The following SRPX variants were observed in gnomAD, a reference collection of about 807,000 sequenced individuals.
SRPX encodes sushi repeat containing protein X-linked.
Under a neutral mutation model 38.1 loss-of-function variants are expected in SRPX, and 24 were observed. That is an observed-to-expected ratio of 0.63 (90% CI 0.46 to 0.89). The LOEUF (loss-of-function observed/expected upper bound fraction) is 0.89. Among genes scored for constraint, SRPX ranks in the 40% least tolerant of loss-of-function variants. SRPX has a pLI of 0.00. For synonymous variants in SRPX, 184 were observed against 153.8 expected (o/e 1.20, Z -1.45); for missense variants, 416 against 377.8 (o/e 1.10, Z -0.84).
At chrX:38,155,153 TA>T (rs1190027426) in intron 8 of SRPX, among the ~76,000 whole-genome samples, 2 of 110,081 alleles carry the variant, frequency 1.8e-5, no homozygotes, top group Non-Finnish European at 3.8e-5. Context: ...GTAAGACAAA[TA>T]TGATGAATTT....
chrX:38,197,454 C>T (rs1569212963), intron 1 of SRPX, among the ~76,000 whole-genome samples: 1 of 111,036 alleles, frequency 9.0e-6, no homozygotes, highest in Non-Finnish European at 1.9e-5. Flanking sequence ...TTTTTTTGGA[C>T]ATGTTATAAT....
At chrX:38,157,785 T>C (rs1938160865) in intron 7 of SRPX, among the ~76,000 whole-genome samples, 1 of 112,031 alleles carries the variant, frequency 8.9e-6, no homozygotes, top group East Asian at 2.8e-4. Context: ...GTTTTTGCTG[T>C]GGGCATTTGG....
intron 1 of SRPX, among the ~76,000 whole-genome samples, chrX:38,208,322 C>T (rs1198587835): frequency 9.0e-6 from 1 of 111,555 alleles, no homozygotes; most frequent in African/African-American, 3.3e-5. Flanking sequence ...GTGGCCCCTC[C>T]CAGTGGCTAC....
intron 1 of SRPX, among the ~76,000 whole-genome samples, chrX:38,183,832 G>A (rs1938716980): frequency 8.9e-6 from 1 of 111,879 alleles, no homozygotes; most frequent in Non-Finnish European, 1.9e-5. Flanking sequence ...CGTTGGCTCA[G>A]AAATCAGAAA....
At chrX:38,206,942 T>G (rs1003702237) in intron 1 of SRPX, among the ~76,000 whole-genome samples, 3 of 112,103 alleles carry the variant, frequency 2.7e-5, no homozygotes, top group African/African-American at 9.7e-5. Context: ...CTGCCAGACA[T>G]GAGCTCTCAG....
intron 1 of SRPX, among the ~76,000 whole-genome samples, chrX:38,212,043 C>T (rs1267837465): frequency 6.3e-5 from 7 of 111,926 alleles, no homozygotes; most frequent in Non-Finnish European, 9.4e-5. Context: ...GTGGCAGGAG[C>T]GGCCCTGATC....
At position 38,160,225 on chromosome X, in the gene SRPX, C is replaced by G. The variant is rs755173991; in HGVS notation, c.776-29G>C. 56 of 1,189,773 alleles carry G rather than the reference C, an allele frequency of 4.7e-5. No individual in the cohort carries two copies. In the South Asian group the frequency reaches 7.9e-4, roughly 17 times the overall value. On this transcript the variant is annotated intron_variant, in intron 6 of 9. Coordinates refer to ENST00000378533, the MANE Select transcript of SRPX (RefSeq NM_006307.5). ...TAGGGACACAAGTCCAGAGGGGTCT[C>G]AGTGCTGAGCTCCCATCCACAGAGT...
Position 38,219,306 on chromosome X carries a change from G to A in SRPX, c.97+1390C>T, listed in dbSNP as rs1447984434. Among the ~76,000 whole-genome samples the A allele has an allele frequency of 2.7e-5, 3 of 110,436 alleles. No homozygotes were observed. The East Asian group carries it at 8.6e-4, about 32-fold the overall frequency. ...TCACAGGCACCTCCCAACTCAGTGC[G>A]GAAAAGCTACCTCTAGCTTCTCACC... On this transcript the variant is annotated intron_variant, in intron 1 of 9. Transcript: ENST00000378533.
At chrX:38,185,334 A>AT (rs748027777) in intron 1 of SRPX, among the ~76,000 whole-genome samples, 1 of 112,064 alleles carries the variant, frequency 8.9e-6, no homozygotes, top group East Asian at 2.8e-4. Flanking sequence ...ACAAAAGGGT[A>AT]TTTTGTACTA....
chrX:38,152,467 T>C (rs1442354980), intron 9 of SRPX, among the ~76,000 whole-genome samples: 1 of 112,107 alleles, frequency 8.9e-6, no homozygotes, highest in East Asian at 2.8e-4. Flanking sequence ...TCACGAGAAA[T>C]GCAAATTCTC....
chrX:38,154,292 T>C (rs758414716), intron 9 of SRPX, among the ~76,000 whole-genome samples, 170 bp downstream of exon 9: 2 of 112,203 alleles, frequency 1.8e-5, no homozygotes, highest in East Asian at 5.6e-4. Context: ...ACAATTTATT[T>C]GAACAAACAG....
intron 1 of SRPX, among the ~76,000 whole-genome samples, chrX:38,190,359 A>G (rs1938877169): frequency 2.7e-5 from 3 of 112,100 alleles, no homozygotes; most frequent in Non-Finnish European, 5.6e-5. Context: ...CAGTCTGCTC[A>G]GCTGAAACCT....
chrX:38,160,867 G>T, intron 6 of SRPX, 66 bp downstream of exon 6: 1 of 1,163,863 alleles, frequency 8.6e-7, no homozygotes, highest in Non-Finnish European at 1.2e-6. Flanking sequence ...GTTCTGGCTT[G>T]AGGACCTACT....
rs781535350 is a variant in SRPX, at chrX:38,156,920, G to A, written c.1065C>T (p.Tyr355=). The change falls in exon 8 of 10, where the codon TAC becomes TAT. Residue 355 remains tyrosine (Y), a synonymous_variant. Coordinates refer to ENST00000378533, the MANE Select transcript of SRPX (RefSeq NM_006307.5). ...CCTGCAGCATTCCTAGCTGGAGCCG[G>A]TAAAGGAGGTTTCGGGCTGTGGGTG... ...VSTPTARNLL[Y]RLQLGMLQQA... 4 of 1,211,136 alleles carry A rather than the reference G, an allele frequency of 3.3e-6. No homozygotes were observed. In the Admixed American group the frequency reaches 8.7e-5, roughly 26 times the overall value.
intron 1 of SRPX, among the ~76,000 whole-genome samples, chrX:38,194,874 T>A (rs1334022904): frequency 1.1e-5 from 1 of 88,147 alleles, no homozygotes; most frequent in Non-Finnish European, 2.2e-5. Context: ...TTTTTTTTTT[T>A]TTTTTTTTTT....
At chrX:38,214,903 C>T (rs1246477780) in intron 1 of SRPX, among the ~76,000 whole-genome samples, 2 of 111,673 alleles carry the variant, frequency 1.8e-5, no homozygotes, top group Non-Finnish European at 3.8e-5. Flanking sequence ...ACACAATAAG[C>T]GGCAGGCGAG....
Position 38,149,743 on chromosome X carries a change from G to A in SRPX, c.1363C>T (p.Gln455Ter). 8.3e-7 allele frequency: 1 copy of A among 1,211,117 alleles called. No individual in the cohort carries two copies. Among genetic ancestry groups the A allele is most frequent in the Non-Finnish European group, 1.1e-6 (1 of 895,264 alleles). The change falls in exon 10 of 10, where the codon CAA (glutamine) becomes TAA (stop). Residue 455 changes from glutamine to a stop codon, truncating the protein, a stop_gained. Coordinates refer to ENST00000378533, the MANE Select transcript of SRPX (RefSeq NM_006307.5). LOFTEE classifies it high-confidence loss of function. ...FPLRKEEMVL[Q>*]AEMSQTCNT ...TTACAGGTCTGGCTCATTTCGGCTTGTAGGACCATCTCTTCTTTTCTCAAG... is the reference window on the plus strand; with the variant it reads ...TTACAGGTCTGGCTCATTTCGGCTTATAGGACCATCTCTTCTTTTCTCAAG...
At chrX:38,155,174 G>T (rs1490381421) in intron 8 of SRPX, among the ~76,000 whole-genome samples, 1 of 111,742 alleles carries the variant, frequency 8.9e-6, no homozygotes, top group Admixed American at 9.5e-5. Flanking sequence ...TGGCTAAATG[G>T]GAAAAGAAAT....
At chrX:38,175,792 G>C (rs957371199) in intron 2 of SRPX, among the ~76,000 whole-genome samples, 19 of 112,106 alleles carry the variant, frequency 1.7e-4, no homozygotes, top group African/African-American at 6.2e-4. Flanking sequence ...ATGTCCTAAA[G>C]GCTTAACCTA....
Sources: gnomAD v4.1 joint callset for allele counts (sites outside exome capture counted in the v4.1 genomes callset) on GRCh38, gnomAD v4.1.1 for gene constraint, MANE v1.5 for transcripts, NCBI Gene and HGNC (gene_info 2026-07-23, HGNC 2026-07-21) for gene names.